The following CDC42BPB variants were observed in gnomAD, a reference collection of about 807,000 sequenced individuals.
CDC42BPB encodes the protein CDC42 binding protein kinase beta, also known as serine/threonine-protein kinase MRCK beta.
Under a neutral mutation model 214.9 loss-of-function variants are expected in CDC42BPB, and 37 were observed. That is an observed-to-expected ratio of 0.17 (90% confidence interval 0.13 to 0.23). The LOEUF is 0.23. Ranked by LOEUF, CDC42BPB falls within the 10% of genes least tolerant of loss-of-function variation. The pLI, the probability that CDC42BPB is intolerant of heterozygous loss-of-function variation, is 1.00. For synonymous variants in CDC42BPB, 931 were observed against 884.0 expected (o/e 1.05, Z -0.94); for missense variants, 1,694 against 2,227.0 (o/e 0.76, Z 4.82).
intron 19 of CDC42BPB, 145 bp downstream of exon 19, chr14:102,964,357 C>T (rs1893095720): frequency 1.5e-5 from 14 of 925,454 alleles, no homozygotes; most frequent in Non-Finnish European, 2.0e-5. Context: ...TGCAGGTGAA[C>T]CCGACGTGCT....
In CDC42BPB at chr14:102,978,012, C is replaced by T. The variant is rs1056228098; in HGVS notation, c.1220+114G>A. ...CATCTCCATCTCCCTTAAGTAATGG[C>T]CTCCCAGCGCACACACCACCCACTA... On this transcript the variant is annotated intron_variant, in intron 9 of 36. Transcript: ENST00000361246. 25 of 745,486 alleles carry T rather than the reference C, an allele frequency of 3.4e-5. No individual in the cohort carries two copies. The African/African-American group carries it at 4.2e-4, about 13-fold the overall frequency. The allele number at this position is 745,486 out of a possible 1,614,324, so 46.2% of individuals were successfully genotyped here.
At chr14:103,042,309 C>T (rs1429589209) in intron 1 of CDC42BPB, among the ~76,000 whole-genome samples, 3 of 151,320 alleles carry the variant, frequency 2.0e-5, no homozygotes, top group Non-Finnish European at 2.9e-5. Flanking sequence ...AAAAACACAA[C>T]CCAATTTTTT....
In CDC42BPB at chr14:103,014,172, A is replaced by C. The variant is rs1220984392; in HGVS notation, c.176-1984T>G. ...CACAGCGAGACTCCGTCTCAAAAAA[A>C]AAAAAAAAAAAAAAGCTCCTAGAGA... On this transcript the variant is annotated intron_variant, in intron 1 of 36. Transcript: ENST00000361246. Among the ~76,000 whole-genome samples the C allele has an allele frequency of 2.1e-3, 325 of 151,272 alleles. 1 individual carries two copies. The highest frequency in any genetic ancestry group is 6.8e-3 in the Middle Eastern group (2 of 294).
At position 103,056,984 on chromosome 14, in the gene CDC42BPB, C is replaced by A; in HGVS notation, c.175+15G>T. The A allele has an allele frequency of 7.1e-7, 1 of 1,400,864 alleles. No individual in the cohort carries two copies. The highest frequency in any genetic ancestry group is 9.3e-7 in the Non-Finnish European group (1 of 1,073,554). The allele number at this position is 1,400,864 out of a possible 1,614,324, so 86.8% of individuals were successfully genotyped here. A position where few individuals can be genotyped will look rare whatever the true frequency, so the allele number is the denominator to read the frequency against. On this transcript the variant is annotated intron_variant, in intron 1 of 36. Transcript: ENST00000361246. ...TCGCAGAGCCGCAGGTCCGGCCCTG[C>A]CGGCGCGCACTTACCCCACTCGAGG...
In CDC42BPB at chr14:102,967,164, A is replaced by T; in HGVS notation, c.2353T>A (p.Ser785Thr). 1 of 1,613,274 alleles carries T rather than the reference A, an allele frequency of 6.2e-7. No homozygotes were observed. Among genetic ancestry groups the T allele is most frequent in the Non-Finnish European group, 8.5e-7 (1 of 1,179,276 alleles). The change falls in exon 17 of 37, where the codon TCC becomes ACC. Residue 785 changes from serine to threonine, a missense_variant. Transcript: ENST00000361246. ...KLTAENEKLC[S>T]FVDKLTAQNR... ...TGAGCTGTGAGTTTATCCACAAAGG[A>T]ACAGAGCTGAAATGAAACAATTTCA...
intron 1 of CDC42BPB, among the ~76,000 whole-genome samples, chr14:103,038,716 G>GGGGGGC (rs1555397143): frequency 6.5e-4 from 33 of 51,152 alleles, no homozygotes; most frequent in African/African-American, 6.0e-3. Context: ...TTGTAGAGAC[G>GGGGGGC]GGGGGGGGGG....
intron 4 of CDC42BPB, among the ~76,000 whole-genome samples, chr14:103,000,911 TG>T (rs1894949146): frequency 6.6e-6 from 1 of 152,266 alleles, no homozygotes; most frequent in East Asian, 1.9e-4. Context: ...AGCAAAGACC[TG>T]GGCCCAACAG....
intron 6 of CDC42BPB, among the ~76,000 whole-genome samples, chr14:102,985,803 C>T (rs1024986351): frequency 3.3e-5 from 5 of 152,246 alleles, no homozygotes; most frequent in African/African-American, 7.2e-5. Flanking sequence ...TGGCCACAGA[C>T]GCAGTGAAAG....
Position 103,004,269 on chromosome 14 carries a change from C to A in CDC42BPB, c.352-246G>T, listed in dbSNP as rs1895133022. 2 of 984,808 alleles carry A rather than the reference C, an allele frequency of 2.0e-6. No homozygotes were observed. Among genetic ancestry groups the A allele is most frequent in the Non-Finnish European group, 2.6e-6 (2 of 765,816 alleles). 61.0% of individuals were successfully genotyped at this position (984,808 alleles called of 1,614,324 possible). On this transcript the variant is annotated intron_variant, in intron 3 of 36. Coordinates refer to ENST00000361246, the MANE Select transcript of CDC42BPB (RefSeq NM_006035.4). The surrounding 1 kb of genome is among the most constrained non-coding windows in gnomAD (Gnocchi z 5.3). Reference sequence around the variant, plus strand: ...CTTGCACCCTGCTGTCCCACGGGCACCATTTCTGTGGCTGACACTTAGATT... The same window carrying A: ...CTTGCACCCTGCTGTCCCACGGGCAACATTTCTGTGGCTGACACTTAGATT...
At chr14:103,029,691 C>T (rs1424690433) in intron 1 of CDC42BPB, among the ~76,000 whole-genome samples, 1 of 150,648 alleles carries the variant, frequency 6.6e-6, no homozygotes, top group African/African-American at 2.4e-5. Context: ...CCCGTCTCTA[C>T]TAAAAATACA....
At chr14:103,035,463 C>A (rs1325445501) in intron 1 of CDC42BPB, among the ~76,000 whole-genome samples, 1 of 151,980 alleles carries the variant, frequency 6.6e-6, no homozygotes, top group East Asian at 1.9e-4. Flanking sequence ...GGGAGGCCTG[C>A]CAGGCAGGAG....
chr14:102,984,732 GACA>G (rs1894157538), intron 6 of CDC42BPB, among the ~76,000 whole-genome samples: 2 of 152,076 alleles, frequency 1.3e-5, no homozygotes, highest in Non-Finnish European at 2.9e-5. Flanking sequence ...AGGAACTGGA[GACA>G]ACAACCACAG....
chr14:103,035,427 G>A (rs1176347804), intron 1 of CDC42BPB, among the ~76,000 whole-genome samples: 2 of 152,114 alleles, frequency 1.3e-5, no homozygotes, highest in African/African-American at 4.8e-5. Context: ...AGGTGTGGTG[G>A]TTTACACCTA....
chr14:103,000,743 TG>T (rs1169546342), intron 4 of CDC42BPB, among the ~76,000 whole-genome samples: 2 of 152,198 alleles, frequency 1.3e-5, no homozygotes, highest in African/African-American at 4.8e-5. Flanking sequence ...TCATATCAGC[TG>T]CTGTCACCAT....
At chr14:102,992,055 T>C (rs966049341) in intron 5 of CDC42BPB, among the ~76,000 whole-genome samples, 1 of 152,090 alleles carries the variant, frequency 6.6e-6, no homozygotes, top group Admixed American at 6.5e-5. Context: ...TATTGAGCAG[T>C]GCACATCTAG....
At chr14:103,024,806 T>C (rs1458540318) in intron 1 of CDC42BPB, among the ~76,000 whole-genome samples, 1 of 152,210 alleles carries the variant, frequency 6.6e-6, no homozygotes, top group Non-Finnish European at 1.5e-5. Flanking sequence ...TCAAAACTCC[T>C]GGGCTCAAGT....
chr14:103,016,401 G>C (rs1356987416), intron 1 of CDC42BPB, among the ~76,000 whole-genome samples: 1 of 152,108 alleles, frequency 6.6e-6, no homozygotes, highest in South Asian at 2.1e-4. Flanking sequence ...TCAACAGGGA[G>C]TGGGGGGGTC....
rs1895165354 is a variant in CDC42BPB at position 103,004,924 on chromosome 14, T to A, written c.352-901A>T. Among the ~76,000 whole-genome samples the A allele has an allele frequency of 1.3e-5, 2 of 151,332 alleles. No homozygotes were observed. The highest frequency in any genetic ancestry group is 4.9e-5 in the African/African-American group (2 of 41,124). The stretch of plus-strand genomic sequence containing the variant: ...GGCCCACACCTGTGGTCCCAGCAGT[T>A]TGGGAGGCCGAGGTGGGTGGATCAC... On this transcript the variant is annotated intron_variant, in intron 3 of 36. Coordinates refer to ENST00000361246, the MANE Select transcript of CDC42BPB (RefSeq NM_006035.4). The surrounding 1 kb of genome is among the most constrained non-coding windows in gnomAD (Gnocchi z 5.3).
At chr14:102,955,939 T>TAAAACACACACAC (rs1241049972) in intron 21 of CDC42BPB, among the ~76,000 whole-genome samples, 1 of 152,166 alleles carries the variant, frequency 6.6e-6, no homozygotes, top group African/African-American at 2.4e-5. Flanking sequence ...CATACACACA[T>TAAAACACACACAC]AAAACACACA....
Sources: allele counts gnomAD v4.1 joint callset (sites outside exome capture counted in the v4.1 genomes callset), GRCh38; gene constraint gnomAD v4.1.1; non-coding constraint Gnocchi (gnomAD v3.1); transcripts MANE v1.5; gene names NCBI Gene and HGNC (gene_info 2026-07-23, HGNC 2026-07-21).